The following ZNF487 variants were observed in gnomAD, a reference collection of about 807,000 sequenced individuals.
ZNF487 encodes the protein KRAB domain only 1.
A neutral mutation model predicts 3.0 loss-of-function variants in ZNF487; 4 were observed. That is an observed-to-expected ratio of 1.35 (90% CI 0.66 to 3.08). The LOEUF is 3.08. ZNF487 is among the 30% of genes most tolerant of loss of function. The probability of loss-of-function intolerance (pLI) is 0.01; values close to 1 mark genes in which losing one functional copy is unlikely to be tolerated. For synonymous variants in ZNF487, 55 were observed against 34.6 expected, an observed-to-expected ratio of 1.59 and a Z score of -2.06; for missense variants, 146 against 98.7, an observed-to-expected ratio of 1.48 and a Z score of -2.03.
At chr10:43,481,306 C>A (rs377402136) in intron 3 of ZNF487, 123 bp from the exon 4 acceptor site, 2 of 604,456 alleles carry the variant, frequency 3.3e-6, no homozygotes, top group East Asian at 5.6e-5. Context: ...ACAATCCAGC[C>A]TGGGTGACAG....
chr10:43,454,971 TA>T (rs1267873026), intron 1 of ZNF487, among the ~76,000 whole-genome samples: 2 of 144,290 alleles, frequency 1.4e-5, no homozygotes, highest in Non-Finnish European at 3.0e-5. Flanking sequence ...CTTTAAGGGA[TA>T]CGAGGCTGTG....
chr10:43,468,724 C>T (rs954619962), intron 1 of ZNF487, among the ~76,000 whole-genome samples: 29 of 143,636 alleles, frequency 2.0e-4, no homozygotes, highest in African/African-American at 5.6e-4. Flanking sequence ...CAGTGGCTCA[C>T]GCCTGTAATC....
chr10:43,487,079 T>C (rs1363492251), downstream of ZNF487, among the ~76,000 whole-genome samples: 1 of 151,810 alleles, frequency 6.6e-6, no homozygotes, highest in Non-Finnish European at 1.5e-5. Context: ...GGGATCTAGG[T>C]CAACAAATTT....
chr10:43,454,888 T>C (rs1291042871), intron 1 of ZNF487, among the ~76,000 whole-genome samples: 1 of 135,524 alleles, frequency 7.4e-6, no homozygotes, highest in East Asian at 2.2e-4. Context: ...CAGTGAGCCG[T>C]GACTGCGCCA....
chr10:43,480,894 A>T (rs1306524679), intron 3 of ZNF487, among the ~76,000 whole-genome samples: 1 of 152,200 alleles, frequency 6.6e-6, no homozygotes, highest in Non-Finnish European at 1.5e-5. Flanking sequence ...ATTACAGTAT[A>T]ATTGATCGCA....
At chr10:43,462,137 T>C (rs552727710) in intron 1 of ZNF487, among the ~76,000 whole-genome samples, 17 of 152,286 alleles carry the variant, frequency 1.1e-4, no homozygotes, top group Admixed American at 1.1e-3. Flanking sequence ...AAAAATTATC[T>C]AGTGAATTAC....
At chr10:43,505,772 A>G in the ZNF487 span, among the ~76,000 whole-genome samples, 2 of 152,024 alleles carry the variant, frequency 1.3e-5, no homozygotes, top group African/African-American at 4.8e-5. Context: ...CCTCCTGAGT[A>G]GCTGGGATTA....
chr10:43,516,982 G>T, the ZNF487 span, among the ~76,000 whole-genome samples: 1 of 152,178 alleles, frequency 6.6e-6, no homozygotes, highest in Non-Finnish European at 1.5e-5. Flanking sequence ...TTATCCATGG[G>T]GTACCGTAGC....
chr10:43,491,300 T>C, the ZNF487 span, among the ~76,000 whole-genome samples: 4 of 151,824 alleles, frequency 2.6e-5, 1 homozygote, highest in Middle Eastern at 0.014. Flanking sequence ...TAACTCTATG[T>C]TTAGTGCAGG....
At chr10:43,457,442 C>G (rs1410078596) in intron 1 of ZNF487, among the ~76,000 whole-genome samples, 1 of 150,648 alleles carries the variant, frequency 6.6e-6, no homozygotes, top group African/African-American at 2.4e-5. Flanking sequence ...GTAATCCCAG[C>G]TACTCCAGAG....
intron 1 of ZNF487, 44 bp from the exon 2 acceptor site, chr10:43,475,677 C>T (rs1365343992): frequency 1.3e-6 from 1 of 767,154 alleles, no homozygotes; most frequent in Non-Finnish European, 2.4e-6. Flanking sequence ...TGTATGCTCT[C>T]CACTTCTGAT....
At chr10:43,494,765 CAAAAAAAAA>C in the ZNF487 span, among the ~76,000 whole-genome samples, 541 of 35,780 alleles carry the variant, frequency 0.015, 8 homozygotes, top group African/African-American at 0.049. Context: ...ACTAAAAATA[CAAAAAAAAA>C]AAAAAAAAAA....
chr10:43,466,233 A>C (rs1279295115), intron 1 of ZNF487, among the ~76,000 whole-genome samples: 12 of 151,304 alleles, frequency 7.9e-5, no homozygotes. Flanking sequence ...TAGTAGAGAC[A>C]GGGTTTCACC....
Position 43,445,783 on chromosome 10 carries a change from T to C in ZNF487, c.-94+8521T>C, listed in dbSNP as rs555656450. Among the ~76,000 whole-genome samples the C allele has an allele frequency of 1.2e-4, 19 of 152,224 alleles. No homozygotes were observed. The South Asian group carries it at 1.5e-3, about 12-fold the overall frequency. On this transcript the variant is annotated intron_variant, in intron 1 of 3. Coordinates refer to ENST00000437590, the MANE Select transcript of ZNF487 (RefSeq NM_001355444.3). ...AGGAGAGAAGTTCAGCAGATAAACA[T>C]GTGAACAAAGGTCTCTGGTTTTCCT...
In ZNF487 at chr10:43,482,530, A is replaced by G. The variant is rs1355269298; in HGVS notation, c.*608A>G. On this transcript the variant is annotated 3_prime_UTR_variant, in exon 4 of 4. Coordinates refer to ENST00000437590, the MANE Select transcript of ZNF487 (RefSeq NM_001355444.3). ...GAATGTGGAAAAAACTTCTGTGAGA[A>G]GTCAAATCTTCATGTACATCAGAGA... 2 of 495,040 alleles carry G rather than the reference A, an allele frequency of 4.0e-6. No individual in the cohort carries two copies. Among genetic ancestry groups the G allele is most frequent in the African/African-American group, 3.9e-5 (2 of 51,030 alleles). 30.7% of individuals were successfully genotyped at this position (495,040 alleles called of 1,614,324 possible). A position where few individuals can be genotyped will look rare whatever the true frequency, so the allele number is the denominator to read the frequency against.
chr10:43,505,118 C>T, the ZNF487 span, among the ~76,000 whole-genome samples: 9 of 152,166 alleles, frequency 5.9e-5, no homozygotes, highest in African/African-American at 2.2e-4. Context: ...CTCCTGGGCT[C>T]AAGCGTTCCT....
At chr10:43,485,101 C>G (rs540966395), downstream of ZNF487, among the ~76,000 whole-genome samples, 78 of 152,274 alleles carry the variant, frequency 5.1e-4, no homozygotes, top group African/African-American at 1.7e-3. Flanking sequence ...TTTATTCTTA[C>G]CTCCTCTTTC....
chr10:43,478,336 C>T (rs1841179252), intron 3 of ZNF487, among the ~76,000 whole-genome samples: 1 of 152,140 alleles, frequency 6.6e-6, no homozygotes, highest in South Asian at 2.1e-4. Context: ...GTGTGGATCA[C>T]CTGAGGTTGA....
the ZNF487 span, among the ~76,000 whole-genome samples, chr10:43,495,631 A>G: frequency 2.6e-5 from 4 of 152,206 alleles, no homozygotes; most frequent in Non-Finnish European, 4.4e-5. Context: ...GGGTGTGGCC[A>G]TTACCTTTTA....
Sources: allele counts gnomAD v4.1 joint callset (sites outside exome capture counted in the v4.1 genomes callset), GRCh38; gene constraint gnomAD v4.1.1; transcripts MANE v1.5; gene names NCBI Gene and HGNC (gene_info 2026-07-23, HGNC 2026-07-21).